Variants in PLA2G4A observed in about 807,000 individuals in gnomAD.
The protein encoded by PLA2G4A is phospholipase A2 group IVA, also known as cytosolic phospholipase A2.
Under a neutral mutation model 81.9 loss-of-function variants are expected in PLA2G4A, and 40 were observed. The ratio of observed to expected loss-of-function variants is 0.49; its 90% CI spans 0.38 to 0.64. PLA2G4A has a LOEUF of 0.64. PLA2G4A is among the 30% of genes least tolerant of loss of function. The probability of loss-of-function intolerance (pLI) is 0.00; values close to 1 mark genes in which losing one functional copy is unlikely to be tolerated. For missense variants in PLA2G4A, 715 were observed against 905.1 expected, an observed-to-expected ratio of 0.79 and a Z score of 2.69; for synonymous variants, 302 against 296.9, an observed-to-expected ratio of 1.02 and a Z score of -0.18.
intron 6 of PLA2G4A, among the ~76,000 whole-genome samples, chr1:186,909,691 C>T (rs1051394459): frequency 4.7e-5 from 7 of 149,718 alleles, no homozygotes; most frequent in Admixed American, 1.3e-4. Context: ...AGTTAACTCA[C>T]TGTCTTACTC....
Position 186,835,521 on chromosome 1 carries a change from G to C in PLA2G4A, c.-70+6486G>C, listed in dbSNP as rs564239799. On this transcript the variant is annotated intron_variant, in intron 1 of 17. Transcript: ENST00000367466. ...GGGATCATTCTGTATAGACTGCTGCGTCTATCATTATGATTTCTTAATATC... is the reference window on the plus strand; with the variant it reads ...GGGATCATTCTGTATAGACTGCTGCCTCTATCATTATGATTTCTTAATATC... 8.5e-5 allele frequency among the ~76,000 whole-genome samples: 13 copies of C among 152,140 alleles called. No individual in the cohort carries two copies. In the South Asian group the frequency reaches 2.7e-3, roughly 31 times the overall value.
At position 186,950,668 on chromosome 1, in the gene PLA2G4A, A is replaced by G; in HGVS notation, c.1276A>G (p.Thr426Ala). 1 of 1,580,294 alleles carries G rather than the reference A, an allele frequency of 6.3e-7. No individual in the cohort carries two copies. Among genetic ancestry groups the G allele is most frequent in the Non-Finnish European group, 8.7e-7 (1 of 1,149,492 alleles). The change falls in exon 13 of 18, where the codon ACA (threonine) becomes GCA (alanine). Residue 426 changes from threonine to alanine, a missense_variant. Thr to Ala is a moderately conservative substitution (Grantham distance 58, BLOSUM62 0). Transcript: ENST00000367466. ...TMEEELENIT[T>A]KHIVSNDSSD... ...TTTTCTTTTCACAGAAAATATTACC[A>G]CAAAGCATATTGTGAGTAATGATAG...
At chr1:186,940,697 G>A (rs1490036931) in intron 10 of PLA2G4A, among the ~76,000 whole-genome samples, 1 of 152,132 alleles carries the variant, frequency 6.6e-6, no homozygotes, top group Non-Finnish European at 1.5e-5. Flanking sequence ...AGGAACAAAA[G>A]TCTGTACATG....
intron 7 of PLA2G4A, among the ~76,000 whole-genome samples, chr1:186,922,168 T>A (rs746166499): frequency 5.9e-5 from 9 of 151,988 alleles, no homozygotes; most frequent in African/African-American, 9.7e-5. Context: ...CACACACACA[T>A]CACAAAACAA....
intron 3 of PLA2G4A, among the ~76,000 whole-genome samples, chr1:186,878,556 A>G (rs1653605728): frequency 6.6e-6 from 1 of 151,740 alleles, no homozygotes; most frequent in African/African-American, 2.4e-5. Flanking sequence ...TTCATAACGC[A>G]TGTCTCTCTC....
At chr1:186,946,081 G>A (rs1023248311) in intron 10 of PLA2G4A, among the ~76,000 whole-genome samples, 11 of 152,200 alleles carry the variant, frequency 7.2e-5, no homozygotes, top group African/African-American at 2.4e-4. Flanking sequence ...GAGCCCCCGC[G>A]CTTAGACAGT....
intron 3 of PLA2G4A, among the ~76,000 whole-genome samples, chr1:186,889,389 G>A (rs1026560738): frequency 1.3e-5 from 2 of 152,250 alleles, no homozygotes; most frequent in Middle Eastern, 3.4e-3. Context: ...ATGAAGGTCG[G>A]GGTCTATGTT....
chr1:186,905,278 A>T (rs1014131150), intron 5 of PLA2G4A, among the ~76,000 whole-genome samples: 1 of 152,218 alleles, frequency 6.6e-6, no homozygotes, highest in Admixed American at 6.5e-5. Flanking sequence ...TCCATTTATT[A>T]GAAAACTCTA....
chr1:186,927,003 G>A, intron 7 of PLA2G4A, among the ~76,000 whole-genome samples: 1 of 152,120 alleles, frequency 6.6e-6, no homozygotes, highest in East Asian at 1.9e-4. Flanking sequence ...GTTTTTTAAA[G>A]CCTAAGCGTT....
chr1:186,909,746 A>G (rs1654876657), intron 6 of PLA2G4A, among the ~76,000 whole-genome samples: 1 of 151,562 alleles, frequency 6.6e-6, no homozygotes, highest in African/African-American at 2.4e-5. Flanking sequence ...TAATAATTGT[A>G]TAACCCAATA....
chr1:186,853,301 G>A (rs557041880), intron 1 of PLA2G4A, among the ~76,000 whole-genome samples: 2 of 150,832 alleles, frequency 1.3e-5, no homozygotes, highest in Non-Finnish European at 2.9e-5. Flanking sequence ...ATTGCTTTAA[G>A]TATTAAGAAA....
intron 13 of PLA2G4A, 43 bp downstream of exon 13, chr1:186,950,771 AG>A (rs1418311332): frequency 9.9e-7 from 1 of 1,014,734 alleles, no homozygotes; most frequent in African/African-American, 1.6e-5. Flanking sequence ...CCATGAGGAA[AG>A]GATATGAACA....
chr1:186,869,401 A>G (rs1231972652), intron 2 of PLA2G4A, among the ~76,000 whole-genome samples: 1 of 152,166 alleles, frequency 6.6e-6, no homozygotes, highest in Non-Finnish European at 1.5e-5. Context: ...TATGCTCATT[A>G]TTCATGTCTT....
chr1:186,834,425 T>C (rs1651705517), intron 1 of PLA2G4A, among the ~76,000 whole-genome samples: 1 of 152,176 alleles, frequency 6.6e-6, no homozygotes, highest in Non-Finnish European at 1.5e-5. Context: ...CATTTTGATG[T>C]ATTTAAATGT....
rs7551458 is a variant in PLA2G4A at position 186,954,246 on chromosome 1, A to T, written c.1337-1856A>T. On this transcript the variant is annotated intron_variant, in intron 13 of 17. Coordinates refer to ENST00000367466, the MANE Select transcript of PLA2G4A (RefSeq NM_024420.3). Reference sequence around the variant, plus strand: ...AAAATGTGGCAAATATATACCATGGAATACTATATAGCCATAAAAAAGGAT... The same window carrying T: ...AAAATGTGGCAAATATATACCATGGTATACTATATAGCCATAAAAAAGGAT... Among the ~76,000 whole-genome samples the T allele has an allele frequency of 5.1e-3, 780 of 152,310 alleles. 7 individuals carry two copies. Among genetic ancestry groups the T allele is most frequent in the African/African-American group, 0.017 (722 of 41,566 alleles).
intron 15 of PLA2G4A, among the ~76,000 whole-genome samples, chr1:186,969,271 T>TTAA (rs1049109381): frequency 1.0e-4 from 1 of 10,030 alleles, no homozygotes; most frequent in East Asian, 0.022. Flanking sequence ...AATTTTTATT[T>TTAA]TTAATTATGG....
At chr1:186,833,493 T>C (rs1651671999) in intron 1 of PLA2G4A, among the ~76,000 whole-genome samples, 1 of 152,188 alleles carries the variant, frequency 6.6e-6, no homozygotes, top group Non-Finnish European at 1.5e-5. Context: ...CTTTGTCTTC[T>C]ACCCCTTGAC....
chr1:186,968,045 T>C (rs1393668289), intron 15 of PLA2G4A, among the ~76,000 whole-genome samples: 2 of 151,860 alleles, frequency 1.3e-5, no homozygotes, highest in Non-Finnish European at 2.9e-5. Flanking sequence ...TGAGAAACAA[T>C]GGGGAGGTGG....
At chr1:186,857,179 T>TTATAATACATAATATTATATATATATA (rs1288130997) in intron 2 of PLA2G4A, among the ~76,000 whole-genome samples, 1 of 51,584 alleles carries the variant, frequency 1.9e-5, no homozygotes, top group Non-Finnish European at 3.4e-5. Flanking sequence ...TTATATAATA[T>TTATAATACATAATATTATATATATATA]GTCTGCCATG....
Sources: gnomAD v4.1 joint callset for allele counts (sites outside exome capture counted in the v4.1 genomes callset) on GRCh38, gnomAD v4.1.1 for gene constraint, MANE v1.5 for transcripts, NCBI Gene and HGNC (gene_info 2026-07-23, HGNC 2026-07-21) for gene names.